Variants in ARHGEF3 observed in about 807,000 individuals in gnomAD.
The protein encoded by ARHGEF3 is 59.8 kDA protein.
In ARHGEF3, 28 loss-of-function variants were observed where a neutral mutation model predicts 63.2. The observed-to-expected ratio is 0.44, with a 90% CI of 0.33 to 0.61. ARHGEF3 has a LOEUF of 0.61. Ranked by LOEUF, ARHGEF3 falls within the 20% of genes least tolerant of loss-of-function variation. ARHGEF3 has a pLI of 0.03. For missense variants in ARHGEF3, 533 were observed against 659.3 expected, an observed-to-expected ratio of 0.81 and a Z score of 2.10; for synonymous variants, 266 against 254.2, an observed-to-expected ratio of 1.05 and a Z score of -0.44.
intron 2 of ARHGEF3, among the ~76,000 whole-genome samples, chr3:56,769,868 A>C (rs1481563613): frequency 6.6e-6 from 1 of 152,252 alleles, no homozygotes; most frequent in African/African-American, 2.4e-5. Context: ...ACTGCAACAG[A>C]GAACCAAGCT....
chr3:56,827,785 A>AT (rs2038783751), intron 4 of ARHGEF3, among the ~76,000 whole-genome samples: 1 of 147,984 alleles, frequency 6.8e-6, no homozygotes, highest in Non-Finnish European at 1.5e-5. Flanking sequence ...AGAAAAGAAA[A>AT]AAAAAAGCCA....
At chr3:57,026,215 C>A (rs1442250517) in intron 2 of ARHGEF3, among the ~76,000 whole-genome samples, 3 of 152,094 alleles carry the variant, frequency 2.0e-5, no homozygotes, top group African/African-American at 7.2e-5. Flanking sequence ...GCCTGGACAA[C>A]ATAGTGAGAG....
chr3:57,009,660 G>C (rs578236802), intron 2 of ARHGEF3, among the ~76,000 whole-genome samples: 1 of 152,280 alleles, frequency 6.6e-6, no homozygotes, highest in South Asian at 2.1e-4. Context: ...GCGTGGAGAA[G>C]ACTCCCAGCA....
intron 1 of ARHGEF3, among the ~76,000 whole-genome samples, chr3:56,793,458 C>G (rs753326209): frequency 3.3e-5 from 5 of 152,122 alleles, no homozygotes; most frequent in African/African-American, 4.8e-5. Context: ...CGTGAGCCAC[C>G]GTGCCCAGCA....
At chr3:56,792,677 T>G (rs370691462) in intron 1 of ARHGEF3, among the ~76,000 whole-genome samples, 1 of 152,342 alleles carries the variant, frequency 6.6e-6, no homozygotes, top group East Asian at 1.9e-4. Context: ...ATACAAAGCA[T>G]GGCTATTATT....
intron 3 of ARHGEF3, among the ~76,000 whole-genome samples, chr3:56,901,576 C>G (rs2041510965): frequency 7.5e-6 from 1 of 132,964 alleles, no homozygotes; most frequent in African/African-American, 2.7e-5. Flanking sequence ...CTGTGAGCCT[C>G]TGGTTGTAAT....
In ARHGEF3 at chr3:56,729,525, G is replaced by T. The variant is rs751730811; in HGVS notation, c.1326C>A (p.Asn442Lys). 6.2e-7 allele frequency: 1 copy of T among 1,614,192 alleles called. No homozygotes were observed. Among genetic ancestry groups the T allele is most frequent in the East Asian group, 2.2e-5 (1 of 44,888 alleles). Reference protein sequence around the residue: ...NDTFNKQQWLNCIRQAKETVL... With the variant: ...NDTFNKQQWLKCIRQAKETVL... ...CTGTTTCTTTGGCTTGACGAATACA[G>T]TTAAGCCACTGCTGTTTGTTGAAAG... Residue 442 changes from asparagine (N) to lysine (K), a missense_variant, in exon 10 of 10, where the codon AAC (asparagine) becomes AAA (lysine). This residue lies in a region of ARHGEF3 where 151 missense variants were observed against 190.7 expected (regional missense o/e 0.79). Transcript: ENST00000296315.
intron 3 of ARHGEF3, among the ~76,000 whole-genome samples, chr3:56,953,441 G>A (rs1234826080): frequency 6.6e-6 from 1 of 152,204 alleles, no homozygotes; most frequent in Non-Finnish European, 1.5e-5. Flanking sequence ...TGACCCTTAG[G>A]AGTGGGCTCC....
In ARHGEF3 at chr3:57,049,925, A is replaced by G. The variant is rs573451776; in HGVS notation, c.-27-14749T>C. 4.7e-4 allele frequency among the ~76,000 whole-genome samples: 72 copies of G among 152,352 alleles called. 1 individual carries two copies. Among genetic ancestry groups the G allele is most frequent in the African/African-American group, 1.6e-3 (65 of 41,588 alleles). On this transcript the variant is annotated intron_variant, in intron 1 of 12. Coordinates refer to the ARHGEF3 transcript ENST00000338458. The stretch of plus-strand genomic sequence containing the variant: ...CTTACAGATGAGGATAGTGAGGGTC[A>G]GGGATTGACAGCAACAACTGCAGGG...
chr3:56,920,781 G>GATGGCTC (rs955153655), intron 3 of ARHGEF3, among the ~76,000 whole-genome samples: 4 of 152,160 alleles, frequency 2.6e-5, no homozygotes, highest in Non-Finnish European at 4.4e-5. Context: ...GGCCGGGCAC[G>GATGGCTC]ATGGCTCATG....
chr3:57,047,542 A>G (rs2107288943), intron 1 of ARHGEF3, among the ~76,000 whole-genome samples: 1 of 152,288 alleles, frequency 6.6e-6, no homozygotes, highest in Non-Finnish European at 1.5e-5. Flanking sequence ...TGTCCATCTC[A>G]TGGGACTATT....
At chr3:56,942,141 T>A (rs935002872) in intron 3 of ARHGEF3, among the ~76,000 whole-genome samples, 4 of 152,218 alleles carry the variant, frequency 2.6e-5, no homozygotes, top group Admixed American at 6.5e-5. Context: ...GGCTAACAAA[T>A]GAAATACATT....
intron 2 of ARHGEF3, among the ~76,000 whole-genome samples, chr3:56,977,863 A>C (rs1187555040): frequency 6.6e-6 from 1 of 152,164 alleles, no homozygotes; most frequent in African/African-American, 2.4e-5. Flanking sequence ...ACTCAAGCAC[A>C]CAAAGTACAT....
At chr3:56,908,280 A>C (rs2041758226) in intron 3 of ARHGEF3, among the ~76,000 whole-genome samples, 1 of 152,252 alleles carries the variant, frequency 6.6e-6, no homozygotes, top group African/African-American at 2.4e-5. Flanking sequence ...TAAGAATAGA[A>C]GAACAGCTCC....
At chr3:56,903,544 C>T (rs1318751703) in intron 3 of ARHGEF3, among the ~76,000 whole-genome samples, 1 of 152,246 alleles carries the variant, frequency 6.6e-6, no homozygotes, top group African/African-American at 2.4e-5. Context: ...TCAGTCAAAA[C>T]CAATCCATCA....
chr3:56,967,419 CATATTATATATTATATAATATATTAT>C (rs1298113689), intron 2 of ARHGEF3, among the ~76,000 whole-genome samples: 1 of 62,164 alleles, frequency 1.6e-5, no homozygotes, highest in African/African-American at 6.6e-5. Context: ...ATATATTATA[CATATTATATATTATATAATATATTAT>C]ATATTATACA....
Position 56,882,385 on chromosome 3 carries a change from A to T in ARHGEF3, c.130-31T>A, listed in dbSNP as rs532922734. 49 of 1,545,732 alleles carry T rather than the reference A, an allele frequency of 3.2e-5. No individual in the cohort carries two copies. In the South Asian group the frequency reaches 5.6e-4, roughly 18 times the overall value. ...AAACAAACGAAAAAACAAAGTTCAA[A>T]GGTAAGTAGGGGTTATGGCTTTGAT... On this transcript the variant is annotated intron_variant, in intron 3 of 12. Coordinates refer to the ARHGEF3 transcript ENST00000338458.
intron 3 of ARHGEF3, among the ~76,000 whole-genome samples, chr3:56,930,872 G>C (rs2108391999): frequency 6.6e-6 from 1 of 152,340 alleles, no homozygotes; most frequent in East Asian, 1.9e-4. Context: ...AGATGGGTAA[G>C]TCATTTCCTG....
At chr3:56,885,018 T>G (rs2108265976) in intron 3 of ARHGEF3, among the ~76,000 whole-genome samples, 1 of 152,306 alleles carries the variant, frequency 6.6e-6, no homozygotes, top group South Asian at 2.1e-4. Flanking sequence ...GGCAAATAGG[T>G]TACATCTCAC....
Sources: gnomAD v4.1 joint callset for allele counts (sites outside exome capture counted in the v4.1 genomes callset) on GRCh38, gnomAD v4.1.1 for gene constraint, gnomAD v4.1.1 regional missense constraint, MANE v1.5 for transcripts, NCBI Gene and HGNC (gene_info 2026-07-23, HGNC 2026-07-21) for gene names.